CBR4: variants seen among roughly 807,000 people sequenced by gnomAD.
The protein encoded by CBR4 is 3-oxoacyl-[acyl-carrier-protein] reductase.
Under a neutral mutation model 21.0 loss-of-function variants are expected in CBR4, and 22 were observed. That is an observed-to-expected ratio of 1.05 (90% CI 0.75 to 1.50). The LOEUF is 1.50. Ranked by LOEUF, CBR4 falls within the 40% of genes most tolerant of loss-of-function variation. The pLI is 0.00. For missense variants in CBR4, 302 were observed against 286.3 expected, an observed-to-expected ratio of 1.05 and a Z score of -0.40; for synonymous variants, 100 against 104.4, an observed-to-expected ratio of 0.96 and a Z score of 0.26.
intron 2 of CBR4, chr4:168,913,907 A>G (rs1347830392): frequency 3.3e-6 from 5 of 1,511,676 alleles, no homozygotes; most frequent in Non-Finnish European, 4.6e-6. Flanking sequence ...CAAATCATTT[A>G]TTTCCTGATA....
At chr4:168,985,701 C>CA (rs1328989880), downstream of CBR4, among the ~76,000 whole-genome samples, 4 of 151,266 alleles carry the variant, frequency 2.6e-5, no homozygotes, top group South Asian at 4.2e-4. Context: ...AACACAGCTA[C>CA]AAAAAAAAAT....
intron 2 of CBR4, chr4:168,921,884 G>C: frequency 1.4e-6 from 1 of 740,270 alleles, no homozygotes; most frequent in Non-Finnish European, 2.4e-6. Context: ...ATGAGGACAT[G>C]GTTATAAGGC....
At chr4:168,979,190 A>C (rs1578972848) in intron 2 of CBR4, among the ~76,000 whole-genome samples, 4 of 134,792 alleles carry the variant, frequency 3.0e-5, no homozygotes, top group Admixed American at 7.3e-5. Context: ...AAGCACAGTC[A>C]CCCCACCCCC....
chr4:168,946,092 C>A (rs543657318), intron 2 of CBR4, among the ~76,000 whole-genome samples: 1 of 152,138 alleles, frequency 6.6e-6, no homozygotes, highest in African/African-American at 2.4e-5. Context: ...GCATAGGAGA[C>A]GGAACCTTAA....
chr4:168,916,761 A>G (rs1412699074), intron 2 of CBR4, among the ~76,000 whole-genome samples: 2 of 147,490 alleles, frequency 1.4e-5, no homozygotes, highest in Non-Finnish European at 3.0e-5. Flanking sequence ...GCTCGCTGCA[A>G]CCTCTGCCTC....
chr4:168,926,495 TA>T lies in CBR4; in HGVS notation n.170-31731del, dbSNP rs796761323. The T allele has an allele frequency of 0.86, 521,537 of 606,540 alleles. 224,817 individuals are homozygous for T. The highest frequency in any genetic ancestry group is 1 in the East Asian group (32,722 of 32,868). 37.6% of individuals were successfully genotyped at this position (606,540 alleles called of 1,614,324 possible). The stretch of plus-strand genomic sequence containing the variant: ...AAACATACCTTTGACTATAAGAAAT[TA>T]AAAAAAAAACACCAAAATAATATTT... On this transcript the variant is annotated intron_variant and non_coding_transcript_variant, in intron 2 of 3. Coordinates refer to the CBR4 transcript ENST00000509108.
chr4:168,899,253 A>G (rs1297508765), intron 2 of CBR4, among the ~76,000 whole-genome samples: 1 of 152,228 alleles, frequency 6.6e-6, no homozygotes, highest in African/African-American at 2.4e-5. Flanking sequence ...GATGACCTGG[A>G]TGGGAGCTCT....
At chr4:168,949,139 G>A (rs1264166718) in intron 2 of CBR4, among the ~76,000 whole-genome samples, 3 of 151,990 alleles carry the variant, frequency 2.0e-5, no homozygotes, top group South Asian at 2.1e-4. Flanking sequence ...TGTAGAAGGG[G>A]TTGAGTTCTT....
At chr4:168,953,115 A>G (rs1025021247) in intron 2 of CBR4, among the ~76,000 whole-genome samples, 11 of 152,084 alleles carry the variant, frequency 7.2e-5, no homozygotes, top group African/African-American at 2.4e-4. Context: ...GATGTGGGTG[A>G]GGTTCCCAGG....
At chr4:168,950,279 T>C (rs1047786673) in intron 2 of CBR4, among the ~76,000 whole-genome samples, 19 of 152,292 alleles carry the variant, frequency 1.2e-4, no homozygotes, top group Middle Eastern at 3.4e-3. Context: ...GCCTTTGCCG[T>C]ATCCCAGAGG....
chr4:168,964,234 T>A (rs979143459), intron 2 of CBR4, among the ~76,000 whole-genome samples: 4 of 152,186 alleles, frequency 2.6e-5, no homozygotes, highest in Non-Finnish European at 5.9e-5. Flanking sequence ...CTGGTTAAAA[T>A]TTAGGCTGTT....
At chr4:168,963,539 C>T (rs1763925880) in intron 2 of CBR4, among the ~76,000 whole-genome samples, 1 of 150,122 alleles carries the variant, frequency 6.7e-6, no homozygotes, top group African/African-American at 2.5e-5. Flanking sequence ...GGTGTGATCT[C>T]AGCTCACTGC....
chr4:168,942,043 C>A (rs1377603194), intron 2 of CBR4, among the ~76,000 whole-genome samples: 2 of 152,142 alleles, frequency 1.3e-5, no homozygotes, highest in South Asian at 2.1e-4. Flanking sequence ...CCATAGAATA[C>A]TATGCAGCCA....
chr4:168,914,667 G>C (rs1385343233), intron 2 of CBR4, among the ~76,000 whole-genome samples: 1 of 152,166 alleles, frequency 6.6e-6, no homozygotes, highest in Non-Finnish European at 1.5e-5. Context: ...AAAAAATTCA[G>C]TAAGTCAACC....
chr4:169,007,814 A>C, intron 1 of CBR4, 58 bp from the exon 2 acceptor site: 3 of 1,294,596 alleles, frequency 2.3e-6, no homozygotes, highest in Non-Finnish European at 3.2e-6. Context: ...TTTACTCAAT[A>C]CACATTTGTT....
intron 2 of CBR4, among the ~76,000 whole-genome samples, chr4:168,941,715 C>T (rs974719472): frequency 1.3e-5 from 2 of 152,310 alleles, no homozygotes; most frequent in African/African-American, 4.8e-5. Context: ...TCTCCACAGT[C>T]GCCCCAGCAT....
downstream of CBR4, among the ~76,000 whole-genome samples, chr4:168,982,903 G>A (rs1578978696): frequency 6.6e-6 from 1 of 151,972 alleles, no homozygotes; most frequent in African/African-American, 2.4e-5. Context: ...AAAATCTCTG[G>A]GACACAGCTA....
intron 1 of CBR4, among the ~76,000 whole-genome samples, chr4:169,008,216 C>A (rs1731086541): frequency 6.6e-6 from 1 of 152,022 alleles, no homozygotes; most frequent in South Asian, 2.1e-4. Context: ...GCTACGGATG[C>A]ACTATGGCAC....
chr4:168,986,665 C>T (rs757973573), downstream of CBR4, among the ~76,000 whole-genome samples: 7 of 152,202 alleles, frequency 4.6e-5, no homozygotes, highest in East Asian at 7.7e-4. Flanking sequence ...TTTTCCTGGC[C>T]GGGCATGGTG....
Sources: gnomAD v4.1 joint callset for allele counts (sites outside exome capture counted in the v4.1 genomes callset) on GRCh38, gnomAD v4.1.1 for gene constraint, MANE v1.5 for transcripts, NCBI Gene and HGNC (gene_info 2026-07-23, HGNC 2026-07-21) for gene names.